The following NEGR1 variants were observed in gnomAD, a reference collection of about 807,000 sequenced individuals.
NEGR1 encodes IgLON family member 4.
NEGR1 carries 10 observed loss-of-function variants against 40.9 expected under a neutral mutation model. The observed-to-expected ratio is 0.24, with a 90% confidence interval of 0.15 to 0.42. The LOEUF (loss-of-function observed/expected upper bound fraction) is 0.42. NEGR1 is among the 10% of genes least tolerant of loss of function. The probability of loss-of-function intolerance (pLI) is 1.00; values close to 1 mark genes in which losing one functional copy is unlikely to be tolerated. For missense variants in NEGR1, 352 were observed against 438.9 expected (o/e 0.80, Z 1.77); for synonymous variants, 185 against 166.8 (o/e 1.11, Z -0.84).
At chr1:72,087,179 G>T (rs1648254523) in intron 1 of NEGR1, among the ~76,000 whole-genome samples, 1 of 152,066 alleles carries the variant, frequency 6.6e-6, no homozygotes, top group Admixed American at 6.6e-5. Flanking sequence ...CAGCACTTTG[G>T]GAGGCTGAGG....
chr1:72,176,624 G>T (rs947084363), intron 1 of NEGR1, among the ~76,000 whole-genome samples: 5 of 151,984 alleles, frequency 3.3e-5, no homozygotes, highest in Admixed American at 2.0e-4. Flanking sequence ...CTTGGATAAT[G>T]AAAGTGGCTT....
intron 1 of NEGR1, among the ~76,000 whole-genome samples, chr1:71,977,317 C>T (rs1350857270): frequency 8.4e-6 from 1 of 118,684 alleles, no homozygotes; most frequent in Admixed American, 8.9e-5. Flanking sequence ...TAGAGCAAGA[C>T]TCCATCTCAA....
At chr1:72,137,450 A>G (rs1184025405) in intron 1 of NEGR1, among the ~76,000 whole-genome samples, 1 of 152,182 alleles carries the variant, frequency 6.6e-6, no homozygotes, top group Non-Finnish European at 1.5e-5. Context: ...CTGCAGGGAC[A>G]TGAATGAAAC....
At chr1:71,473,937 G>A (rs1646801219) in intron 6 of NEGR1, among the ~76,000 whole-genome samples, 1 of 151,998 alleles carries the variant, frequency 6.6e-6, no homozygotes, top group African/African-American at 2.4e-5. Flanking sequence ...TTTAGTTCCT[G>A]CTGGAAATAG....
At chr1:71,764,106 T>C (rs1402006325) in intron 3 of NEGR1, among the ~76,000 whole-genome samples, 1 of 152,230 alleles carries the variant, frequency 6.6e-6, no homozygotes, top group African/African-American at 2.4e-5. Flanking sequence ...TGACATGAAG[T>C]ACTATATAAC....
chr1:71,964,110 T>A (rs1444490475), intron 1 of NEGR1, among the ~76,000 whole-genome samples: 1 of 152,210 alleles, frequency 6.6e-6, no homozygotes, highest in African/African-American at 2.4e-5. Flanking sequence ...ACTATCATTA[T>A]CAATTCTATC....
At chr1:71,802,786 T>G (rs947027777) in intron 2 of NEGR1, among the ~76,000 whole-genome samples, 1 of 152,210 alleles carries the variant, frequency 6.6e-6, no homozygotes. Flanking sequence ...GTTTATCTTA[T>G]TTCTAATCCA....
chr1:72,057,934 G>A (rs752393991), intron 1 of NEGR1, among the ~76,000 whole-genome samples: 3 of 151,424 alleles, frequency 2.0e-5, no homozygotes, highest in Non-Finnish European at 1.5e-5. Context: ...AGCCCTATCC[G>A]CAAACATAGT....
intron 6 of NEGR1, among the ~76,000 whole-genome samples, chr1:71,559,493 A>G (rs1648370587): frequency 6.6e-6 from 1 of 151,546 alleles, no homozygotes; most frequent in Admixed American, 6.6e-5. Context: ...TTAATTTTTT[A>G]AAGTTGCATA....
chr1:71,686,073 C>G (rs959703496), intron 4 of NEGR1, among the ~76,000 whole-genome samples: 1 of 151,658 alleles, frequency 6.6e-6, no homozygotes, highest in Admixed American at 6.6e-5. Flanking sequence ...AATTTGCAAA[C>G]AGAAATTTGG....
At chr1:71,538,960 G>A (rs357242) in intron 6 of NEGR1, among the ~76,000 whole-genome samples, 1 of 151,644 alleles carries the variant, frequency 6.6e-6, no homozygotes, top group South Asian at 2.1e-4. Context: ...ATAATAGTTG[G>A]TTCAAATACT....
At chr1:71,730,883 T>C (rs1654839989) in intron 3 of NEGR1, among the ~76,000 whole-genome samples, 1 of 112,678 alleles carries the variant, frequency 8.9e-6, no homozygotes, top group South Asian at 3.0e-4. Context: ...CATTCGTGTG[T>C]GTGTGTGTGT....
chr1:72,214,759 A>G (rs1307314541), intron 1 of NEGR1, among the ~76,000 whole-genome samples: 49 of 152,076 alleles, frequency 3.2e-4, no homozygotes, highest in Admixed American at 3.0e-3. Context: ...GGAAGAATCA[A>G]TATCATGTAA....
At chr1:71,902,285 C>T (rs1009252435) in intron 2 of NEGR1, among the ~76,000 whole-genome samples, 2 of 152,082 alleles carry the variant, frequency 1.3e-5, no homozygotes, top group Non-Finnish European at 2.9e-5. Context: ...TGCTTTTAGT[C>T]TAAAGACATG....
At position 72,173,684 on chromosome 1, in the gene NEGR1, T is replaced by TAATC. The variant is rs149716620; in HGVS notation, c.176+108631_176+108634dup. On this transcript the variant is annotated intron_variant, in intron 1 of 6. Coordinates refer to ENST00000357731, the MANE Select transcript of NEGR1 (RefSeq NM_173808.3). Reference sequence around the variant, plus strand: ...AGACCGACATGGTGGCTCACACATGTAATCCCATAACTTTTGGAGGCCAGG... The same window carrying TAATC: ...AGACCGACATGGTGGCTCACACATGTAATCAATCCCATAACTTTTGGAGGCCAGG... 3.2e-3 allele frequency among the ~76,000 whole-genome samples: 490 copies of TAATC among 152,234 alleles called. 3 individuals are homozygous for TAATC. The highest frequency in any genetic ancestry group is 0.011 in the African/African-American group (470 of 41,552).
intron 2 of NEGR1, among the ~76,000 whole-genome samples, chr1:71,796,771 C>T (rs1042063026): frequency 6.6e-6 from 1 of 152,004 alleles, no homozygotes; most frequent in South Asian, 2.1e-4. Flanking sequence ...TATAGATGTA[C>T]AAAAAGACAT....
At chr1:71,869,483 C>T (rs1051058570) in intron 2 of NEGR1, among the ~76,000 whole-genome samples, 1 of 152,006 alleles carries the variant, frequency 6.6e-6, no homozygotes, top group African/African-American at 2.4e-5. Flanking sequence ...TTCTGGAAAA[C>T]AGACAGATAG....
intron 5 of NEGR1, 48 bp from the exon 6 acceptor site, chr1:71,593,016 T>C: frequency 3.6e-6 from 5 of 1,402,774 alleles, no homozygotes; most frequent in Non-Finnish European, 5.0e-6. Context: ...TGAATACCAG[T>C]TTCATTTTTT....
chr1:72,040,250 A>G (rs12741250), intron 1 of NEGR1, among the ~76,000 whole-genome samples: 1 of 151,942 alleles, frequency 6.6e-6, no homozygotes, highest in Admixed American at 6.6e-5. Context: ...AAGGTGCTAG[A>G]GAACAATACA....
Sources: allele counts gnomAD v4.1 joint callset (sites outside exome capture counted in the v4.1 genomes callset), GRCh38; gene constraint gnomAD v4.1.1; transcripts MANE v1.5; gene names NCBI Gene and HGNC (gene_info 2026-07-23, HGNC 2026-07-21).